Variants in UTRN observed in about 807,000 individuals in gnomAD.
The protein encoded by UTRN is dystrophin-related protein 1.
Under a neutral mutation model 463.9 loss-of-function variants are expected in UTRN, and 283 were observed. That is an observed-to-expected ratio of 0.61 (90% CI 0.55 to 0.67). The LOEUF is 0.67. UTRN is among the 30% of genes least tolerant of loss of function. The probability of loss-of-function intolerance (pLI) is 0.00; values close to 1 mark genes in which losing one functional copy is unlikely to be tolerated. For synonymous variants in UTRN, 1,442 were observed against 1,431.5 expected (o/e 1.01, Z -0.17); for missense variants, 3,922 against 4,084.3 (o/e 0.96, Z 1.08).
At chr6:144,614,695 A>G (rs544015253) in intron 51 of UTRN, among the ~76,000 whole-genome samples, 1 of 152,266 alleles carries the variant, frequency 6.6e-6, no homozygotes, top group South Asian at 2.1e-4. Context: ...AATGATCCCT[A>G]TGAATTAACT....
Position 144,554,774 on chromosome 6 carries a change from C to A in UTRN, c.7015C>A (p.Leu2339Ile), listed in dbSNP as rs761458504. 2.7e-5 allele frequency: 44 copies of A among 1,613,788 alleles called. 1 individual carries two copies. The South Asian group carries it at 3.5e-4, about 13-fold the overall frequency. The change falls in exon 49 of 75, where the codon CTT (leucine) becomes ATT (isoleucine). Residue 2339 changes from leucine to isoleucine, a missense_variant. Around this residue, in one of 3 missense-constraint regions of UTRN, gnomAD observed 1,309 missense variants for 1,452.6 expected, o/e 0.90. Coordinates refer to ENST00000367545, the MANE Select transcript of UTRN (RefSeq NM_007124.3). ...GCTTGAGGACATGATTATTGACAGT[C>A]TTCAGTGGGATGACCATAGGGAGGA... ...QQLEDMIIDSLQWDDHREETE... is the reference protein window; with the variant it reads ...QQLEDMIIDSIQWDDHREETE...
At chr6:144,609,009 C>T (rs139185624) in intron 51 of UTRN, among the ~76,000 whole-genome samples, 9 of 152,246 alleles carry the variant, frequency 5.9e-5, no homozygotes, top group African/African-American at 1.7e-4. Context: ...AATTCCAAAA[C>T]GGCAGTAGCA....
In UTRN at chr6:144,724,373, C is replaced by T. The variant is rs376351692; in HGVS notation, c.7810-5984C>T. Among the ~76,000 whole-genome samples the T allele has an allele frequency of 4.7e-3, 714 of 151,766 alleles. 1 individual carries two copies. The highest frequency in any genetic ancestry group is 7.0e-3 in the Non-Finnish European group (478 of 67,904). ...CCTCCCAAGTAGCTGGGACTACAGG[C>T]ACCCGCCACCACGCCTGGCTAATTT... On this transcript the variant is annotated intron_variant, in intron 53 of 74. Transcript: ENST00000367545.
intron 48 of UTRN, among the ~76,000 whole-genome samples, chr6:144,552,818 G>A (rs1799041548): frequency 4.6e-5 from 7 of 152,138 alleles, no homozygotes; most frequent in Admixed American, 3.9e-4. Context: ...TTTGTTTACT[G>A]TTAAAGGATT....
chr6:144,595,066 A>C (rs1469673823), intron 51 of UTRN, among the ~76,000 whole-genome samples: 7 of 152,162 alleles, frequency 4.6e-5, no homozygotes, highest in Admixed American at 2.6e-4. Context: ...AGTACAAGTA[A>C]AGTATAATGG....
In UTRN at chr6:144,678,595, T is replaced by A; in HGVS notation, c.7652+17T>A. On this transcript the variant is annotated intron_variant, in intron 52 of 74. Coordinates refer to ENST00000367545, the MANE Select transcript of UTRN (RefSeq NM_007124.3). ...TAGCATCAGGTCAGAATAGTCAATA[T>A]CAAAATAAAAATAATGGGGTGGAAG... The A allele has an allele frequency of 1.3e-6, 2 of 1,571,312 alleles. No homozygotes were observed. Among genetic ancestry groups the A allele is most frequent in the South Asian group, 1.2e-5 (1 of 85,786 alleles).
At position 144,551,064 on chromosome 6, in the gene UTRN, A is replaced by G. The variant is rs1329558374; in HGVS notation, c.6910A>G (p.Thr2304Ala). 6.3e-7 allele frequency: 1 copy of G among 1,590,822 alleles called. No individual in the cohort carries two copies. The highest frequency in any genetic ancestry group is 8.5e-7 in the Non-Finnish European group (1 of 1,174,188). The part of the protein sequence containing the change: ...KNKASSSDMR[T>A]AITEKLERVK... Reference sequence around the variant, plus strand: ...TAAAGCTTCCAGTTCAGATATGAGAACAGCAATTACAGAAAAATGTAAGTT... The same window carrying G: ...TAAAGCTTCCAGTTCAGATATGAGAGCAGCAATTACAGAAAAATGTAAGTT... Residue 2304 changes from threonine (T) to alanine (A), a missense_variant, in exon 48 of 75, where the codon ACA becomes GCA. Physicochemically the swap from Thr to Ala is moderately conservative, Grantham distance 58. Transcript: ENST00000367545.
At chr6:144,521,955 ATTT>A (rs202042745) in intron 39 of UTRN, 22 bp from the exon 40 acceptor site, 148 of 942,098 alleles carry the variant, frequency 1.6e-4, no homozygotes, top group South Asian at 2.1e-4. Context: ...ATATATATAT[ATTT>A]TTTTTTTTGC....
chr6:144,818,489 C>T (rs1779275454), intron 65 of UTRN, among the ~76,000 whole-genome samples: 1 of 152,164 alleles, frequency 6.6e-6, no homozygotes, highest in Non-Finnish European at 1.5e-5. Context: ...GAATTGAAGA[C>T]CTGGATATGG....
Position 144,523,003 on chromosome 6 carries a change from AAT to A in UTRN, c.5734-8_5734-7del. ...TTGCTGGATTTTGTTAATCTATGAC[AAT>A]ATATTTTTAGAATATCAAAGACCAA... is the stretch of plus-strand genomic sequence containing the variant. On this transcript the variant is annotated splice_polypyrimidine_tract_variant and intron_variant, in intron 40 of 74. Transcript: ENST00000367545. 4 of 1,570,102 alleles carry A rather than the reference AAT, an allele frequency of 2.5e-6. 1 individual carries two copies.
At chr6:144,612,331 A>G (rs1040066520) in intron 51 of UTRN, among the ~76,000 whole-genome samples, 2 of 152,024 alleles carry the variant, frequency 1.3e-5, no homozygotes, top group Non-Finnish European at 2.9e-5. Flanking sequence ...TTTTTTTAAT[A>G]TGGCCGTTCA....
intron 51 of UTRN, among the ~76,000 whole-genome samples, chr6:144,614,592 G>A (rs1162583696): frequency 6.6e-6 from 1 of 152,142 alleles, no homozygotes; most frequent in African/African-American, 2.4e-5. Flanking sequence ...AATGAACAAG[G>A]GAATGAATAA....
intron 51 of UTRN, among the ~76,000 whole-genome samples, chr6:144,646,450 T>C (rs1778310389): frequency 1.3e-5 from 2 of 152,168 alleles, no homozygotes; most frequent in South Asian, 4.1e-4. Flanking sequence ...AGCAACTAAT[T>C]AGAATAACAG....
intron 2 of UTRN, 111 bp from the exon 3 acceptor site, chr6:144,403,012 G>T: frequency 1.1e-6 from 1 of 932,066 alleles, no homozygotes; most frequent in South Asian, 1.4e-5. Flanking sequence ...CAAGGAGCTC[G>T]ACTAATAGGA....
intron 2 of UTRN, among the ~76,000 whole-genome samples, chr6:144,317,997 C>G (rs1775390798): frequency 6.6e-6 from 1 of 152,102 alleles, no homozygotes. Context: ...CTGTATGTTT[C>G]ACCATTTTTT....
At chr6:144,784,508 C>A (rs1303506001) in intron 61 of UTRN, among the ~76,000 whole-genome samples, 1 of 152,150 alleles carries the variant, frequency 6.6e-6, no homozygotes, top group Non-Finnish European at 1.5e-5. Flanking sequence ...ACTCTAATGA[C>A]CTCATTTTAA....
At chr6:144,338,371 A>G (rs1481033545) in intron 2 of UTRN, among the ~76,000 whole-genome samples, 2 of 151,798 alleles carry the variant, frequency 1.3e-5, no homozygotes, top group African/African-American at 4.8e-5. Flanking sequence ...TGATTATTGG[A>G]TAAGTTGTAT....
chr6:144,289,583 A>G lies in UTRN; in HGVS notation c.-92-2154A>G, dbSNP rs78517582. 8.5e-3 allele frequency among the ~76,000 whole-genome samples: 1,289 copies of G among 152,196 alleles called. 79 individuals carry two copies. The East Asian group carries it at 0.16, about 19-fold the overall frequency. ...GTAATCCTCTCGCTTAAGCTTCCCAAAGTACTGGGATTACAGGTGTGAGCC... is the reference window on the plus strand; with the variant it reads ...GTAATCCTCTCGCTTAAGCTTCCCAGAGTACTGGGATTACAGGTGTGAGCC... On this transcript the variant is annotated intron_variant, in intron 1 of 74. Coordinates refer to ENST00000367545, the MANE Select transcript of UTRN (RefSeq NM_007124.3).
intron 50 of UTRN, among the ~76,000 whole-genome samples, chr6:144,576,389 A>G (rs1259512875): frequency 6.6e-6 from 1 of 152,192 alleles, no homozygotes; most frequent in African/African-American, 2.4e-5. Flanking sequence ...TAACTCATAT[A>G]ACTCCAAGAT....
Sources: gnomAD v4.1 joint callset for allele counts (sites outside exome capture counted in the v4.1 genomes callset) on GRCh38, gnomAD v4.1.1 for gene constraint, gnomAD v4.1.1 regional missense constraint, MANE v1.5 for transcripts, NCBI Gene and HGNC (gene_info 2026-07-23, HGNC 2026-07-21) for gene names.